ELAVL2: variants seen among roughly 807,000 people sequenced by gnomAD.
ELAVL2 encodes the protein ELAV-like protein 2.
A neutral mutation model predicts 34.6 loss-of-function variants in ELAVL2; 4 were observed. The observed-to-expected ratio is 0.12, with a 90% CI of 0.06 to 0.26. The LOEUF (loss-of-function observed/expected upper bound fraction) is 0.26. Ranked by LOEUF, ELAVL2 falls within the 10% of genes least tolerant of loss-of-function variation. ELAVL2 has a pLI of 1.00. For missense variants in ELAVL2, 432 were observed against 442.8 expected, an observed-to-expected ratio of 0.98 and a Z score of 0.22; for synonymous variants, 193 against 154.8, an observed-to-expected ratio of 1.25 and a Z score of -1.83.
chr9:23,761,568 C>T (rs538068695), intron 2 of ELAVL2, among the ~76,000 whole-genome samples: 1 of 152,080 alleles, frequency 6.6e-6, no homozygotes, highest in Admixed American at 6.6e-5. Flanking sequence ...GTGAACATTA[C>T]CATTTATTTT....
At chr9:23,748,573 A>G (rs948855702) in intron 2 of ELAVL2, among the ~76,000 whole-genome samples, 1 of 152,204 alleles carries the variant, frequency 6.6e-6, no homozygotes, top group African/African-American at 2.4e-5. Context: ...CAATTTTCAA[A>G]AGAATAAAAC....
chr9:23,693,083 T>A (rs1243397352), intron 6 of ELAVL2, among the ~76,000 whole-genome samples, 199 bp from the exon 7 acceptor site: 3 of 152,222 alleles, frequency 2.0e-5, no homozygotes, highest in East Asian at 3.8e-4. Flanking sequence ...GAGATATTAA[T>A]AAGTTATGAA....
At chr9:23,806,602 C>A (rs1208020673) in intron 1 of ELAVL2, among the ~76,000 whole-genome samples, 2 of 151,994 alleles carry the variant, frequency 1.3e-5, no homozygotes, top group Non-Finnish European at 2.9e-5. Flanking sequence ...CATGCCACTG[C>A]AGTGAGACTA....
rs2046436492 is a variant in ELAVL2 at position 23,731,170 on chromosome 9, G to A, written c.230-45C>T. 7 of 1,527,110 alleles carry A rather than the reference G, an allele frequency of 4.6e-6. No individual in the cohort carries two copies. In the African/African-American group the frequency reaches 5.5e-5, roughly 12 times the overall value. 94.6% of individuals were successfully genotyped at this position (1,527,110 alleles called of 1,614,324 possible). On this transcript the variant is annotated intron_variant, in intron 2 of 6. Transcript: ENST00000397312. Reference sequence around the variant, plus strand: ...AAAAGGCATATATTAGTTCTATACTGTTGACAGAGATCAACTTTCATTTTG... The same window carrying A: ...AAAAGGCATATATTAGTTCTATACTATTGACAGAGATCAACTTTCATTTTG...
At chr9:23,819,623 C>T (rs1341127004) in intron 1 of ELAVL2, among the ~76,000 whole-genome samples, 1 of 151,970 alleles carries the variant, frequency 6.6e-6, no homozygotes. Context: ...GGGCTTAACA[C>T]CTAAAGTTGT....
At chr9:23,746,823 A>C (rs540889894) in intron 2 of ELAVL2, among the ~76,000 whole-genome samples, 1 of 151,504 alleles carries the variant, frequency 6.6e-6, no homozygotes, top group African/African-American at 2.4e-5. Context: ...TGAAAAAGAA[A>C]AAAAAAAAAA....
chr9:23,714,278 G>A (rs566285144), intron 3 of ELAVL2, among the ~76,000 whole-genome samples: 2 of 152,300 alleles, frequency 1.3e-5, no homozygotes, highest in African/African-American at 4.8e-5. Context: ...AGATGACACA[G>A]AGGAGGAGAC....
chr9:23,778,608 T>A (rs1364678329), intron 1 of ELAVL2, among the ~76,000 whole-genome samples: 1 of 151,986 alleles, frequency 6.6e-6, no homozygotes, highest in African/African-American at 2.4e-5. Flanking sequence ...AGTAAAAGAG[T>A]ATCATAGCCT....
intron 2 of ELAVL2, among the ~76,000 whole-genome samples, chr9:23,746,964 G>C (rs963491744): frequency 1.3e-5 from 2 of 151,918 alleles, no homozygotes; most frequent in African/African-American, 4.8e-5. Flanking sequence ...CACCAATTTA[G>C]AACATCCTGC....
At chr9:23,744,364 T>G (rs2050004228) in intron 2 of ELAVL2, among the ~76,000 whole-genome samples, 1 of 152,216 alleles carries the variant, frequency 6.6e-6, no homozygotes, top group African/African-American at 2.4e-5. Context: ...GTTTTTCAGC[T>G]CATTCCAATA....
the ELAVL2 span, among the ~76,000 whole-genome samples, chr9:23,846,486 G>A: frequency 1.3e-5 from 2 of 151,942 alleles, no homozygotes; most frequent in African/African-American, 4.8e-5. Context: ...TAGTCATTAA[G>A]ATTTTTAAAA....
the ELAVL2 span, among the ~76,000 whole-genome samples, chr9:23,833,195 T>C: frequency 1.3e-5 from 2 of 151,892 alleles, no homozygotes; most frequent in Non-Finnish European, 2.9e-5. Context: ...GTTATATTGG[T>C]TTAAATAATG....
chr9:23,742,027 C>T (rs1564206766), intron 2 of ELAVL2, among the ~76,000 whole-genome samples: 1 of 152,244 alleles, frequency 6.6e-6, no homozygotes, highest in East Asian at 1.9e-4. Flanking sequence ...ACTTCCTTGG[C>T]ATGATAACAT....
chr9:23,780,343 A>T (rs1477023061), intron 1 of ELAVL2, among the ~76,000 whole-genome samples: 1 of 152,180 alleles, frequency 6.6e-6, no homozygotes. Context: ...ATAAACACTA[A>T]AAAGTGTTTA....
chr9:23,757,172 G>A (rs2053762855), intron 2 of ELAVL2, among the ~76,000 whole-genome samples: 2 of 152,034 alleles, frequency 1.3e-5, no homozygotes, highest in Non-Finnish European at 2.9e-5. Flanking sequence ...TGTTCATTTG[G>A]TGTATTCGTC....
At chr9:23,702,854 T>A (rs1273366928) in intron 4 of ELAVL2, among the ~76,000 whole-genome samples, 1 of 145,788 alleles carries the variant, frequency 6.9e-6, no homozygotes, top group South Asian at 2.2e-4. Context: ...GAATAAATAG[T>A]GAAATGATAG....
intron 1 of ELAVL2, among the ~76,000 whole-genome samples, chr9:23,774,822 G>A (rs1385754624): frequency 1.3e-5 from 2 of 152,064 alleles, no homozygotes; most frequent in East Asian, 1.9e-4. Context: ...TTACAATACA[G>A]AGAAAACAAG....
chr9:23,767,847 G>A (rs2056599982), intron 1 of ELAVL2, among the ~76,000 whole-genome samples: 1 of 152,120 alleles, frequency 6.6e-6, no homozygotes, highest in Admixed American at 6.6e-5. Flanking sequence ...AATGTTGCGA[G>A]GAGGGAAAAA....
rs146277204 is a variant in ELAVL2 at position 23,752,869 on chromosome 9, G to A, written c.229+9137C>T. On this transcript the variant is annotated intron_variant, in intron 2 of 6. Coordinates refer to ENST00000397312, the MANE Select transcript of ELAVL2 (RefSeq NM_004432.5). ...GAACAATACAGAATGATCACCCCTC[G>A]ATTACATAAAGATGATATATGGTGT... Among the ~76,000 whole-genome samples the A allele has an allele frequency of 9.5e-4, 145 of 152,192 alleles. No homozygotes were observed. The Middle Eastern group carries it at 0.01, about 11-fold the overall frequency.
Sources: allele counts gnomAD v4.1 joint callset (sites outside exome capture counted in the v4.1 genomes callset), GRCh38; gene constraint gnomAD v4.1.1; transcripts MANE v1.5; gene names NCBI Gene and HGNC (gene_info 2026-07-23, HGNC 2026-07-21).